The following SLC71A1 variants were observed in gnomAD, a reference collection of about 807,000 sequenced individuals.
SLC71A1 encodes the protein hippocampus abundant gene transcript 1.
At chr1:100,061,212 C>G in the SLC71A1 span, among the ~76,000 whole-genome samples, 1 of 152,054 alleles carries the variant, frequency 6.6e-6, no homozygotes, top group African/African-American at 2.4e-5. Flanking sequence ...TTATTCCCAG[C>G]TATTTTGGAA....
At chr1:100,072,847 A>G in the SLC71A1 span, among the ~76,000 whole-genome samples, 1 of 152,136 alleles carries the variant, frequency 6.6e-6, no homozygotes, top group Non-Finnish European at 1.5e-5. Context: ...GAGAACATCA[A>G]TATAGTTCTA....
At chr1:100,057,052 A>G in the SLC71A1 span, among the ~76,000 whole-genome samples, 3 of 152,140 alleles carry the variant, frequency 2.0e-5, no homozygotes, top group Non-Finnish European at 4.4e-5. Flanking sequence ...TGAGCCCCTT[A>G]TACATTTTTG....
At chr1:100,068,070 G>A in the SLC71A1 span, 1 of 1,614,182 alleles carries the variant, frequency 6.2e-7, no homozygotes, top group Non-Finnish European at 8.5e-7. Flanking sequence ...GGTGGTCTTA[G>A]CTACAGCAAT....
the SLC71A1 span, among the ~76,000 whole-genome samples, chr1:100,058,339 T>C: frequency 6.6e-6 from 1 of 152,228 alleles, no homozygotes; most frequent in South Asian, 2.1e-4. Context: ...TCAAGTCTGA[T>C]CTCTTAGGTT....
At chr1:100,078,596 C>A in the SLC71A1 span, 2 of 1,294,260 alleles carry the variant, frequency 1.5e-6, no homozygotes, top group Non-Finnish European at 2.2e-6. Context: ...ACAGAATGTT[C>A]TAATCCTGTG....
the SLC71A1 span, chr1:100,079,848 C>T: frequency 6.6e-6 from 1 of 152,594 alleles, no homozygotes; most frequent in Admixed American, 6.6e-5. Flanking sequence ...GCACTCCAGC[C>T]TGGGCAACAA....
the SLC71A1 span, among the ~76,000 whole-genome samples, chr1:100,062,581 T>G: frequency 2.0e-5 from 3 of 152,176 alleles, no homozygotes; most frequent in African/African-American, 4.8e-5. Flanking sequence ...CAATAATAGA[T>G]CACTACTGAA....
the SLC71A1 span, among the ~76,000 whole-genome samples, chr1:100,054,675 G>A: frequency 9.2e-5 from 14 of 151,936 alleles, no homozygotes; most frequent in Admixed American, 7.2e-4. Flanking sequence ...GCCCCAAAGC[G>A]TTTAACATTT....
At chr1:100,049,771 A>C in the SLC71A1 span, 2 of 522,658 alleles carry the variant, frequency 3.8e-6, no homozygotes, top group Non-Finnish European at 6.7e-6. Flanking sequence ...AGAGGCAGTG[A>C]GTACAGATGT....
chr1:100,065,511 TTTTCAC>T, the SLC71A1 span, among the ~76,000 whole-genome samples: 6 of 133,106 alleles, frequency 4.5e-5, no homozygotes, highest in Admixed American at 7.7e-5. Flanking sequence ...CCCTTTCCAC[TTTTCAC>T]TTTCACTTTC....
the SLC71A1 span, among the ~76,000 whole-genome samples, chr1:100,054,638 G>A: frequency 6.6e-6 from 1 of 152,000 alleles, no homozygotes; most frequent in African/African-American, 2.4e-5. Context: ...CTACCTAGAT[G>A]GTTTCGTGTC....
the SLC71A1 span, among the ~76,000 whole-genome samples, chr1:100,066,906 G>A: frequency 1.4e-5 from 2 of 139,786 alleles, no homozygotes; most frequent in Non-Finnish European, 3.0e-5. Context: ...GGAGAATGGC[G>A]TAAACCCCGG....
chr1:100,052,746 CTTTAA>C, the SLC71A1 span, among the ~76,000 whole-genome samples: 6 of 149,906 alleles, frequency 4.0e-5, no homozygotes, highest in African/African-American at 1.5e-4. Context: ...TTCTTATTAT[CTTTAA>C]TTTTTGTTTT....
chr1:100,038,688 C>T, the SLC71A1 span, among the ~76,000 whole-genome samples: 1 of 152,196 alleles, frequency 6.6e-6, no homozygotes, highest in East Asian at 1.9e-4. Flanking sequence ...TCGCCTTCGC[C>T]GCCAGGCCCC....
chr1:100,066,124 T>C, the SLC71A1 span, among the ~76,000 whole-genome samples: 2 of 152,192 alleles, frequency 1.3e-5, no homozygotes, highest in Non-Finnish European at 2.9e-5. Flanking sequence ...CTTAAAAAAA[T>C]AGACTTCCTC....
chr1:100,080,302 A>G, the SLC71A1 span: 1 of 504,578 alleles, frequency 2.0e-6, no homozygotes, highest in East Asian at 3.0e-5. Flanking sequence ...TCATGTTTGC[A>G]TAGGACAGCT....
the SLC71A1 span, among the ~76,000 whole-genome samples, chr1:100,049,549 C>T: frequency 2.0e-5 from 3 of 152,134 alleles, no homozygotes; most frequent in Non-Finnish European, 4.4e-5. Context: ...CCCATAATGC[C>T]GCAAGCCTTG....
chr1:100,048,777 A>G, the SLC71A1 span, among the ~76,000 whole-genome samples: 2 of 152,178 alleles, frequency 1.3e-5, no homozygotes, highest in South Asian at 4.1e-4. Context: ...GTGGTTTCAG[A>G]TATCACATTT....
At chr1:100,061,860 T>A in the SLC71A1 span, 3 of 1,612,632 alleles carry the variant, frequency 1.9e-6, no homozygotes, top group East Asian at 6.7e-5. Context: ...TATCTCTGTT[T>A]CTGGGGTTTT....
Sources: allele counts gnomAD v4.1 joint callset (sites outside exome capture counted in the v4.1 genomes callset), GRCh38; gene constraint gnomAD v4.1.1; transcripts MANE v1.5; gene names NCBI Gene and HGNC (gene_info 2026-07-23, HGNC 2026-07-21).